The following BDP1 variants were observed in gnomAD, a reference collection of about 807,000 sequenced individuals.
The protein encoded by BDP1 is BDP1 general transcription factor IIIB subunit, also known as transcription factor TFIIIB component B'' homolog.
Under a neutral mutation model 266.6 loss-of-function variants are expected in BDP1, and 169 were observed. The ratio of observed to expected loss-of-function variants is 0.63; its 90% CI spans 0.56 to 0.72. The LOEUF (loss-of-function observed/expected upper bound fraction) is 0.72. BDP1 is among the 30% of genes least tolerant of loss of function. The pLI, the probability that BDP1 is intolerant of heterozygous loss-of-function variation, is 0.00. For missense variants in BDP1, 3,015 were observed against 3,053.8 expected, an observed-to-expected ratio of 0.99 and a Z score of 0.30; for synonymous variants, 1,090 against 1,022.4, an observed-to-expected ratio of 1.07 and a Z score of -1.26.
Position 71,467,298 on chromosome 5 carries a change from T to C in BDP1, c.786-56T>C, listed in dbSNP as rs1315229491. The C allele has an allele frequency of 5.1e-6, 7 of 1,377,570 alleles. No individual in the cohort carries two copies. The Admixed American group carries it at 9.8e-5, about 19-fold the overall frequency. The allele number at this position is 1,377,570 out of a possible 1,614,324, so 85.3% of individuals were successfully genotyped here. On this transcript the variant is annotated intron_variant, in intron 5 of 38. Transcript: ENST00000358731. ...AAAATATAACTATTTACATCTCATT[T>C]GCTATTTGTTTCCTTGTTTTTAGTA...
intron 15 of BDP1, 114 bp downstream of exon 15, chr5:71,502,905 T>G: frequency 1.2e-6 from 1 of 816,908 alleles, no homozygotes; most frequent in Non-Finnish European, 1.9e-6. Flanking sequence ...ATTTATTTAT[T>G]TATGACGGAG....
intron 22 of BDP1, among the ~76,000 whole-genome samples, chr5:71,520,157 G>A (rs558896719): frequency 6.6e-6 from 1 of 152,034 alleles, no homozygotes; most frequent in East Asian, 1.9e-4. Context: ...CAGATTATTT[G>A]TTTTTTTGCT....
At chr5:71,481,391 G>GAAAAAAAA (rs58798987) in intron 7 of BDP1, among the ~76,000 whole-genome samples, 23 of 63,846 alleles carry the variant, frequency 3.6e-4, no homozygotes, top group East Asian at 1.0e-3. Context: ...TCTCTACAAA[G>GAAAAAAAA]AAAAAAAAAA....
At chr5:71,474,295 A>G (rs969913188) in intron 7 of BDP1, among the ~76,000 whole-genome samples, 1 of 149,476 alleles carries the variant, frequency 6.7e-6, no homozygotes, top group Admixed American at 6.7e-5. Flanking sequence ...ATTTCCTTTT[A>G]AGCATCACTA....
At chr5:71,513,497 C>T (rs2150482425) in intron 19 of BDP1, 90 bp downstream of exon 19, 1 of 772,170 alleles carries the variant, frequency 1.3e-6, no homozygotes, top group East Asian at 2.6e-5. Context: ...CATTAAAATT[C>T]TACAAATATT....
At chr5:71,540,180 T>C (rs7721179) in intron 28 of BDP1, among the ~76,000 whole-genome samples, 123,282 of 152,130 alleles carry the variant, frequency 0.81, 50,198 homozygotes, top group East Asian at 0.88. Context: ...CACAGACAAG[T>C]GATAAATCTT....
chr5:71,455,860 G>C lies in BDP1; in HGVS notation c.-18G>C. ...TGAGCGGCCGTGAGGCTGCCTCCCC[G>C]GGCCCCCTGCCTCCGCCATGTTCCG... On this transcript the variant is annotated 5_prime_UTR_variant, in exon 1 of 39. Transcript: ENST00000358731. 2 of 1,553,014 alleles carry C rather than the reference G, an allele frequency of 1.3e-6. No individual in the cohort carries two copies. Among genetic ancestry groups the C allele is most frequent in the South Asian group, 2.4e-5 (2 of 84,790 alleles).
intron 25 of BDP1, among the ~76,000 whole-genome samples, chr5:71,530,801 G>C (rs1264384552): frequency 6.6e-6 from 1 of 152,124 alleles, no homozygotes; most frequent in East Asian, 1.9e-4. Context: ...ATGTTGGCTG[G>C]GCACAGGGTC....
intron 35 of BDP1, among the ~76,000 whole-genome samples, chr5:71,554,971 G>A (rs1416376775): frequency 6.6e-6 from 1 of 152,094 alleles, no homozygotes; most frequent in African/African-American, 2.4e-5. Flanking sequence ...TGTCATGTCA[G>A]CACTCAAAAA....
chr5:71,466,455 G>A (rs1048368987), intron 5 of BDP1, among the ~76,000 whole-genome samples: 6 of 152,150 alleles, frequency 3.9e-5, no homozygotes, highest in Admixed American at 3.3e-4. Context: ...TAACACCATT[G>A]TTTTATTATC....
downstream of BDP1, among the ~76,000 whole-genome samples, chr5:71,571,482 A>T (rs767887885): frequency 1.3e-5 from 2 of 152,114 alleles, no homozygotes; most frequent in Non-Finnish European, 2.9e-5. Context: ...CCCAGGGACA[A>T]CTGTGAATCC....
chr5:71,490,427 C>A (rs887487788), intron 10 of BDP1, among the ~76,000 whole-genome samples: 2 of 152,138 alleles, frequency 1.3e-5, no homozygotes, highest in African/African-American at 4.8e-5. Context: ...GATTCACAAC[C>A]AGGTTTTAGA....
chr5:71,554,088 G>A (rs1428010129), intron 35 of BDP1, among the ~76,000 whole-genome samples: 2 of 152,124 alleles, frequency 1.3e-5, no homozygotes, highest in African/African-American at 4.8e-5. Context: ...TTTAAAACCC[G>A]TGTTCTCAAA....
chr5:71,549,436 T>G lies in BDP1; in HGVS notation c.6825T>G (p.Asn2275Lys). The G allele has an allele frequency of 6.2e-7, 1 of 1,612,694 alleles. No individual in the cohort carries two copies. Among genetic ancestry groups the G allele is most frequent in the Non-Finnish European group, 8.5e-7 (1 of 1,179,638 alleles). ...CTTTGATAGTGAATCTAGTTGCTAATGTACCTCAAGATGGAGAAGATGAAC... is the reference window on the plus strand; with the variant it reads ...CTTTGATAGTGAATCTAGTTGCTAAGGTACCTCAAGATGGAGAAGATGAAC... Reference protein sequence around the residue: ...PQDLTVNLVANVPQDGEDEQA... With the variant: ...PQDLTVNLVAKVPQDGEDEQA... Residue 2275 changes from asparagine to lysine, a missense_variant, in exon 34 of 39, where the codon AAT (asparagine) becomes AAG (lysine). Physicochemically the swap from Asn to Lys is moderately conservative, Grantham distance 94. Around this residue, in one of 3 missense-constraint regions of BDP1, gnomAD observed 629 missense variants for 632.5 expected, o/e 0.99. Transcript: ENST00000358731.
At chr5:71,476,857 C>T (rs1762619825) in intron 7 of BDP1, among the ~76,000 whole-genome samples, 1 of 152,160 alleles carries the variant, frequency 6.6e-6, no homozygotes, top group Non-Finnish European at 1.5e-5. Context: ...GCGCCCGCCA[C>T]CACGCCTGGC....
intron 6 of BDP1, 29 bp downstream of exon 6, chr5:71,467,516 A>G: frequency 6.5e-7 from 1 of 1,527,198 alleles, no homozygotes; most frequent in East Asian, 2.3e-5. Flanking sequence ...AAAATGTGTA[A>G]GTTCTCTATT....
chr5:71,462,682 C>T (rs1761653667), intron 3 of BDP1, among the ~76,000 whole-genome samples: 1 of 151,936 alleles, frequency 6.6e-6, no homozygotes, highest in South Asian at 2.1e-4. Context: ...TGAACCCTGG[C>T]ATTTGAGGCT....
intron 28 of BDP1, 90 bp downstream of exon 28, chr5:71,539,739 AC>A: frequency 1.3e-6 from 1 of 783,106 alleles, no homozygotes; most frequent in East Asian, 2.7e-5. Flanking sequence ...TAACCCTTTT[AC>A]CTTTGAAGTT....
intron 38 of BDP1, 177 bp downstream of exon 38, chr5:71,562,697 A>G: frequency 6.7e-7 from 1 of 1,487,784 alleles, no homozygotes; most frequent in Non-Finnish European, 9.0e-7. Context: ...GTGTTGAGTC[A>G]GGAAGTTACA....
Sources: gnomAD v4.1 joint callset for allele counts (sites outside exome capture counted in the v4.1 genomes callset) on GRCh38, gnomAD v4.1.1 for gene constraint, gnomAD v4.1.1 regional missense constraint, MANE v1.5 for transcripts, NCBI Gene and HGNC (gene_info 2026-07-23, HGNC 2026-07-21) for gene names.